ANXA4: variants seen among roughly 807,000 people sequenced by gnomAD.
ANXA4 encodes 35-beta calcimedin.
In ANXA4, 39 loss-of-function variants were observed where a neutral mutation model predicts 49.8. The ratio of observed to expected loss-of-function variants is 0.78; its 90% CI spans 0.61 to 1.02. The LOEUF (loss-of-function observed/expected upper bound fraction) is 1.02. ANXA4 is among the 50% of genes least tolerant of loss of function. ANXA4 has a pLI of 0.00. For missense variants in ANXA4, 360 were observed against 410.1 expected, an observed-to-expected ratio of 0.88 and a Z score of 1.05; for synonymous variants, 134 against 152.5, an observed-to-expected ratio of 0.88 and a Z score of 0.89.
chr2:69,781,899 T>G (rs1672215170), intron 2 of ANXA4, among the ~76,000 whole-genome samples: 1 of 152,170 alleles, frequency 6.6e-6, no homozygotes, highest in South Asian at 2.1e-4. Flanking sequence ...TAAAAATTCT[T>G]TAGGTTCTAC....
rs111875279 is a variant in ANXA4 at position 69,771,274 on chromosome 2, G to A, written c.-46-10246G>A. Among the ~76,000 whole-genome samples the A allele has an allele frequency of 3.0e-3, 464 of 152,234 alleles. 4 individuals are homozygous for A. Among genetic ancestry groups the A allele is most frequent in the Middle Eastern group, 0.024 (7 of 294 alleles). ...GGACAGAATTCATCTTCACAGTGGG[G>A]AAATATCTGACCCCCGACCACTGGC... On this transcript the variant is annotated intron_variant, in intron 1 of 12. Coordinates refer to ENST00000394295, the MANE Select transcript of ANXA4 (RefSeq NM_001153.5).
At chr2:69,818,074 AAG>A (rs1674077617) in intron 9 of ANXA4, 1 of 152,232 alleles carries the variant, frequency 6.6e-6, no homozygotes, top group African/African-American at 2.4e-5. Context: ...AGGAGACAGC[AAG>A]AGAGGGGAAC....
chr2:69,795,950 CAGG>C (rs1672924569), intron 3 of ANXA4, among the ~76,000 whole-genome samples: 1 of 152,310 alleles, frequency 6.6e-6, no homozygotes, highest in African/African-American at 2.4e-5. Flanking sequence ...CTTGATTGGA[CAGG>C]AGAACAGAGA....
chr2:69,787,859 T>G (rs906210210), intron 2 of ANXA4, among the ~76,000 whole-genome samples, 195 bp from the exon 3 acceptor site: 7 of 152,238 alleles, frequency 4.6e-5, no homozygotes, highest in Non-Finnish European at 7.3e-5. Context: ...TTGGCTTGTT[T>G]ACTGTCTGCC....
chr2:69,789,776 C>T (rs533855353), intron 3 of ANXA4, among the ~76,000 whole-genome samples: 1 of 152,118 alleles, frequency 6.6e-6, no homozygotes, highest in African/African-American at 2.4e-5. Context: ...CAGCTCTTAT[C>T]CCATTCTCTG....
intron 1 of ANXA4, among the ~76,000 whole-genome samples, chr2:69,761,049 G>A (rs1156308666): frequency 6.6e-6 from 1 of 151,340 alleles, no homozygotes; most frequent in African/African-American, 2.4e-5. Context: ...TATAAAGTAA[G>A]CCACAAATGC....
chr2:69,685,040 T>C (rs72899490), intron 2 of ANXA4, among the ~76,000 whole-genome samples: 251 of 152,254 alleles, frequency 1.6e-3, no homozygotes, highest in African/African-American at 5.9e-3. Flanking sequence ...TGGGGCATCA[T>C]AGAGAATAGG....
intron 1 of ANXA4, among the ~76,000 whole-genome samples, chr2:69,767,690 T>C (rs1281703353): frequency 1.3e-5 from 2 of 152,218 alleles, no homozygotes; most frequent in Non-Finnish European, 2.9e-5. Context: ...ACCGGGGCCA[T>C]CTGTCTGCCC....
chr2:69,759,918 C>T (rs1370091703), intron 1 of ANXA4, among the ~76,000 whole-genome samples: 1 of 152,084 alleles, frequency 6.6e-6, no homozygotes, highest in East Asian at 1.9e-4. Context: ...CTGCAAGCTC[C>T]ACCTCCTGGG....
intron 1 of ANXA4, among the ~76,000 whole-genome samples, chr2:69,774,340 C>T (rs425762): frequency 0.77 from 44,389 of 57,876 alleles, 16,952 homozygotes; most frequent in South Asian, 0.89. Flanking sequence ...CCCCCCCCCC[C>T]TTTTTTTTTT....
chr2:69,814,155 G>T (rs1433086621), intron 8 of ANXA4, among the ~76,000 whole-genome samples: 4 of 151,522 alleles, frequency 2.6e-5, no homozygotes, highest in Non-Finnish European at 5.9e-5. Flanking sequence ...CAAAAAAAAA[G>T]AACCTGTTGC....
chr2:69,719,105 T>C (rs1273955045), intron 2 of ANXA4, among the ~76,000 whole-genome samples: 2 of 151,632 alleles, frequency 1.3e-5, no homozygotes, highest in South Asian at 2.1e-4. Flanking sequence ...TTCTCCCAAG[T>C]AGCTGGAATT....
intron 2 of ANXA4, among the ~76,000 whole-genome samples, chr2:69,701,575 G>A (rs1457693502): frequency 6.6e-6 from 1 of 152,196 alleles, no homozygotes; most frequent in East Asian, 1.9e-4. Context: ...TATATTCACT[G>A]TATGGAGGTA....
At chr2:69,818,757 G>A in intron 10 of ANXA4, 63 bp downstream of exon 10, 1 of 1,002,188 alleles carries the variant, frequency 1.0e-6, no homozygotes, top group Admixed American at 2.1e-5. Context: ...TTATCAGTTT[G>A]CAATATGGGG....
intron 2 of ANXA4, among the ~76,000 whole-genome samples, chr2:69,683,347 T>G (rs969087357): frequency 6.6e-6 from 1 of 152,178 alleles, no homozygotes; most frequent in Non-Finnish European, 1.5e-5. Flanking sequence ...CTGCTACATG[T>G]GGGAGCTTCC....
chr2:69,793,521 A>G (rs1672789719), intron 3 of ANXA4, among the ~76,000 whole-genome samples: 1 of 152,162 alleles, frequency 6.6e-6, no homozygotes, highest in Admixed American at 6.5e-5. Context: ...AGTAACACAT[A>G]TATAACCACA....
intron 2 of ANXA4, among the ~76,000 whole-genome samples, chr2:69,696,307 C>T (rs1198605673): frequency 6.6e-6 from 1 of 152,242 alleles, no homozygotes; most frequent in Non-Finnish European, 1.5e-5. Flanking sequence ...ACTTTCTTTG[C>T]TCATCCACAG....
chr2:69,749,753 C>T (rs1227827093), intron 1 of ANXA4, among the ~76,000 whole-genome samples: 2 of 150,436 alleles, frequency 1.3e-5, no homozygotes, highest in Non-Finnish European at 2.9e-5. Context: ...GGTAAAACCC[C>T]GTCTCTTACT....
At chr2:69,796,555 T>C (rs1428025186) in intron 3 of ANXA4, among the ~76,000 whole-genome samples, 2 of 152,268 alleles carry the variant, frequency 1.3e-5, no homozygotes, top group East Asian at 3.8e-4. Context: ...GGAAGGTCTC[T>C]GTCTACCTAT....
Sources: gnomAD v4.1 joint callset for allele counts (sites outside exome capture counted in the v4.1 genomes callset) on GRCh38, gnomAD v4.1.1 for gene constraint, MANE v1.5 for transcripts, NCBI Gene and HGNC (gene_info 2026-07-23, HGNC 2026-07-21) for gene names.